GABRG1: variants seen among roughly 807,000 people sequenced by gnomAD.
GABRG1 encodes the protein gamma-aminobutyric acid type A receptor subunit gamma1.
GABRG1 carries 49 observed loss-of-function variants against 49.8 expected under a neutral mutation model. The observed-to-expected ratio is 0.98, with a 90% CI of 0.78 to 1.25. GABRG1 has a LOEUF of 1.25. GABRG1 is among the 50% of genes most tolerant of loss of function. The pLI, the probability that GABRG1 is intolerant of heterozygous loss-of-function variation, is 0.00. For missense variants in GABRG1, 552 were observed against 552.3 expected (o/e 1.00, Z 0.01); for synonymous variants, 232 against 185.1 (o/e 1.25, Z -2.06).
intron 8 of GABRG1, among the ~76,000 whole-genome samples, chr4:46,043,746 C>A (rs1717875105): frequency 6.6e-6 from 1 of 151,838 alleles, no homozygotes; most frequent in Non-Finnish European, 1.5e-5. Flanking sequence ...TTTTAAAATA[C>A]ACTTTTAAAA....
At chr4:46,104,763 G>A (rs1720482020) in intron 1 of GABRG1, among the ~76,000 whole-genome samples, 2 of 151,152 alleles carry the variant, frequency 1.3e-5, no homozygotes, top group African/African-American at 2.4e-5. Flanking sequence ...ATTGTGTGCT[G>A]AGCATCCAGC....
In GABRG1 at chr4:46,118,132, G is replaced by GTATATATATATATATATATATATATATA. The variant is rs1553884495; in HGVS notation, c.104+5677_104+5678insTATATATATATATATATATATATATATA. On this transcript the variant is annotated intron_variant, in intron 1 of 8. Coordinates refer to ENST00000295452, the MANE Select transcript of GABRG1 (RefSeq NM_173536.4). ...TATATACATATATACGTGTGTGTGTGTATATATATATATACAGCTACAGTA... is the reference window on the plus strand; with the variant it reads ...TATATACATATATACGTGTGTGTGTGTATATATATATATATATATATATATATATATATATATATATACAGCTACAGTA... Among the ~76,000 whole-genome samples, 10 of 109,964 alleles carry GTATATATATATATATATATATATATATA rather than the reference G, an allele frequency of 9.1e-5. 1 individual carries two copies. Among genetic ancestry groups the GTATATATATATATATATATATATATATA allele is most frequent in the African/African-American group, 5.0e-4 (9 of 17,894 alleles). 72.1% of individuals were successfully genotyped at this position (109,964 alleles called of 152,430 possible). A position where few individuals can be genotyped will look rare whatever the true frequency, so the allele number is the denominator to read the frequency against.
intron 8 of GABRG1, among the ~76,000 whole-genome samples, chr4:46,043,288 G>T (rs1717856797): frequency 6.6e-6 from 1 of 151,784 alleles, no homozygotes; most frequent in Non-Finnish European, 1.5e-5. Flanking sequence ...TTTAAAAAAT[G>T]AACTCTCTGG....
At chr4:46,072,438 C>T (rs866810560) in intron 3 of GABRG1, among the ~76,000 whole-genome samples, 3 of 152,040 alleles carry the variant, frequency 2.0e-5, no homozygotes, top group South Asian at 2.1e-4. Context: ...GGATTGAGAA[C>T]GCTTTTATAA....
At chr4:46,105,775 T>C (rs918805356) in intron 1 of GABRG1, among the ~76,000 whole-genome samples, 2 of 136,202 alleles carry the variant, frequency 1.5e-5, no homozygotes, top group Admixed American at 1.5e-4. Context: ...GATAGATGGA[T>C]GGATGGGTAG....
intron 5 of GABRG1, among the ~76,000 whole-genome samples, chr4:46,061,608 T>C (rs112947469): frequency 0.018 from 2,703 of 151,976 alleles, 95 homozygotes; most frequent in African/African-American, 0.061. Flanking sequence ...TGTTAGTAAA[T>C]ATAAAATAAA....
chr4:46,079,950 T>C (rs1719504104), intron 3 of GABRG1, among the ~76,000 whole-genome samples: 1 of 151,902 alleles, frequency 6.6e-6, no homozygotes, highest in African/African-American at 2.4e-5. Flanking sequence ...TTTCTTCTGC[T>C]TATATTGAAG....
At chr4:46,095,747 A>G (rs888124429) in intron 2 of GABRG1, among the ~76,000 whole-genome samples, 5 of 151,902 alleles carry the variant, frequency 3.3e-5, no homozygotes, top group African/African-American at 1.2e-4. Flanking sequence ...CAACTTTCTG[A>G]AAAATCTACT....
intron 3 of GABRG1, among the ~76,000 whole-genome samples, chr4:46,082,315 C>T (rs775330854): frequency 6.6e-5 from 10 of 151,478 alleles, no homozygotes; most frequent in Non-Finnish European, 1.5e-4. Context: ...TTATCTCTCC[C>T]TCCCTTATTT....
chr4:46,062,286 T>A (rs1718725703), intron 5 of GABRG1, among the ~76,000 whole-genome samples: 1 of 151,940 alleles, frequency 6.6e-6, no homozygotes, highest in South Asian at 2.1e-4. Flanking sequence ...TGTTGGACAT[T>A]TGGGTTGGTT....
rs1717590673 is a variant in GABRG1 at position 46,037,874 on chromosome 4, A to G, written c.*3114T>C. 6.6e-6 allele frequency: 1 copy of G among 151,670 alleles called. No homozygotes were observed. Among genetic ancestry groups the G allele is most frequent in the African/African-American group, 2.4e-5 (1 of 41,396 alleles). The allele number at this position is 151,670 out of a possible 1,614,324, so 9.4% of individuals were successfully genotyped here. A position where few individuals can be genotyped will look rare whatever the true frequency, so the allele number is the denominator to read the frequency against. On this transcript the variant is annotated 3_prime_UTR_variant, in exon 9 of 9. Coordinates refer to ENST00000295452, the MANE Select transcript of GABRG1 (RefSeq NM_173536.4). Reference sequence around the variant, plus strand: ...CCTTGGTGTGAGAGAACTGTAGCCTATTCTTTTTTATGCTGAATTGGCATG... The same window carrying G: ...CCTTGGTGTGAGAGAACTGTAGCCTGTTCTTTTTTATGCTGAATTGGCATG...
chr4:46,091,037 C>T (rs1371680960), intron 2 of GABRG1, among the ~76,000 whole-genome samples: 4 of 151,416 alleles, frequency 2.6e-5, no homozygotes, highest in African/African-American at 7.3e-5. Flanking sequence ...CCCCTCAAGG[C>T]ATTTGCTGTT....
chr4:46,083,137 A>G (rs932140749), intron 3 of GABRG1, among the ~76,000 whole-genome samples: 1 of 151,644 alleles, frequency 6.6e-6, no homozygotes, highest in African/African-American at 2.4e-5. Flanking sequence ...AAGTCTCTTC[A>G]TTTCAATACC....
intron 2 of GABRG1, among the ~76,000 whole-genome samples, chr4:46,085,872 A>G (rs1719735294): frequency 1.3e-5 from 2 of 151,594 alleles, no homozygotes; most frequent in African/African-American, 4.8e-5. Flanking sequence ...GTGATGTTCA[A>G]AAACTAAGAC....
At chr4:46,105,842 ATTCTCTAC>A (rs1720519805) in intron 1 of GABRG1, among the ~76,000 whole-genome samples, 1 of 149,254 alleles carries the variant, frequency 6.7e-6, no homozygotes, top group Non-Finnish European at 1.5e-5. Flanking sequence ...GATGATAGAT[ATTCTCTAC>A]AAGTTAGTCG....
chr4:46,051,581 G>GT lies in GABRG1; in HGVS notation c.973_974insA (p.Pro325HisfsTer2). On this transcript the variant is annotated frameshift_variant, in exon 8 of 9. Coordinates refer to ENST00000295452, the MANE Select transcript of GABRG1 (RefSeq NM_173536.4). LOFTEE classifies it high-confidence loss of function. ...CATCGCAGTCACATAAGAAACCTTA[G>GT]GTAAAGACTTCCTGGCAATTGTACT... 1 of 1,611,336 alleles carries GT rather than the reference G, an allele frequency of 6.2e-7. No individual in the cohort carries two copies.
At chr4:46,071,920 A>T (rs1333988166) in intron 3 of GABRG1, among the ~76,000 whole-genome samples, 1 of 152,074 alleles carries the variant, frequency 6.6e-6, no homozygotes, top group East Asian at 1.9e-4. Context: ...AGTGTATTCT[A>T]AGTGCACAGT....
At chr4:46,099,285 C>A (rs1720298393) in intron 1 of GABRG1, among the ~76,000 whole-genome samples, 1 of 151,646 alleles carries the variant, frequency 6.6e-6, no homozygotes, top group East Asian at 2.0e-4. Flanking sequence ...CACTACCAAG[C>A]AGTGGGTTTA....
intron 1 of GABRG1, among the ~76,000 whole-genome samples, chr4:46,116,186 G>A (rs2109444391): frequency 6.6e-6 from 1 of 150,912 alleles, no homozygotes; most frequent in Middle Eastern, 3.4e-3. Context: ...TCAGAAGGCT[G>A]GTAAATGCCC....
Sources: gnomAD v4.1 joint callset for allele counts (sites outside exome capture counted in the v4.1 genomes callset) on GRCh38, gnomAD v4.1.1 for gene constraint, MANE v1.5 for transcripts, NCBI Gene and HGNC (gene_info 2026-07-23, HGNC 2026-07-21) for gene names.